Variants in SBNO1 observed in about 807,000 individuals in gnomAD.
SBNO1 encodes the protein protein strawberry notch homolog 1.
SBNO1 carries 23 observed loss-of-function variants against 173.6 expected under a neutral mutation model. The ratio of observed to expected loss-of-function variants is 0.13; its 90% CI spans 0.10 to 0.19. The LOEUF (loss-of-function observed/expected upper bound fraction) is 0.19. Ranked by LOEUF, SBNO1 falls within the 10% of genes least tolerant of loss-of-function variation. The probability of loss-of-function intolerance (pLI) is 1.00; values close to 1 mark genes in which losing one functional copy is unlikely to be tolerated. For synonymous variants in SBNO1, 632 were observed against 571.5 expected (o/e 1.11, Z -1.51); for missense variants, 1,238 against 1,671.2 (o/e 0.74, Z 4.52).
chr12:123,311,019 AAC>A (rs1223728464), intron 25 of SBNO1, 34 bp downstream of exon 25: 1 of 1,392,666 alleles, frequency 7.2e-7, no homozygotes, highest in Admixed American at 1.7e-5. Context: ...ATACTATAGC[AAC>A]AGTTATATGC....
chr12:123,347,795 A>G (rs1179385203), intron 3 of SBNO1, among the ~76,000 whole-genome samples: 2 of 152,118 alleles, frequency 1.3e-5, no homozygotes, highest in African/African-American at 4.8e-5. Context: ...TTGGCCTCCC[A>G]AAGTGCCAGG....
chr12:123,326,623 G>C (rs1257945012), intron 13 of SBNO1, among the ~76,000 whole-genome samples: 1 of 152,136 alleles, frequency 6.6e-6, no homozygotes, highest in Non-Finnish European at 1.5e-5. Flanking sequence ...TGGACAATCT[G>C]AAATATAAGA....
At chr12:123,323,520 A>G (rs990175137) in intron 16 of SBNO1, among the ~76,000 whole-genome samples, 160 bp downstream of exon 16, 6 of 151,760 alleles carry the variant, frequency 4.0e-5, no homozygotes, top group African/African-American at 1.5e-4. Context: ...ATGCCCGGCT[A>G]ATTTTTTGTA....
intron 30 of SBNO1, among the ~76,000 whole-genome samples, chr12:123,301,923 A>G (rs1175009148): frequency 6.6e-6 from 1 of 151,358 alleles, no homozygotes; most frequent in Non-Finnish European, 1.5e-5. Flanking sequence ...AGAGTGACAG[A>G]AGGAGGGCGA....
chr12:123,309,287 AG>A, intron 28 of SBNO1, 22 bp downstream of exon 28: 1 of 1,559,266 alleles, frequency 6.4e-7, no homozygotes, highest in Non-Finnish European at 8.8e-7. Flanking sequence ...ATATCTGAAT[AG>A]AATTTAAAGG....
rs769079019 is a variant in SBNO1 at position 123,295,819 on chromosome 12, T to C, written c.*89A>G. 6.6e-7 allele frequency: 1 copy of C among 1,521,704 alleles called. No homozygotes were observed. The highest frequency in any genetic ancestry group is 8.9e-7 in the Non-Finnish European group (1 of 1,128,162). 94.3% of individuals were successfully genotyped at this position (1,521,704 alleles called of 1,614,324 possible). A position where few individuals can be genotyped will look rare whatever the true frequency, so the allele number is the denominator to read the frequency against. ...AGAGAGCACAACTGAAAAAAATATA[T>C]AATTCTTTGGAAACTGTCCCTGATT... is the stretch of plus-strand genomic sequence containing the variant. On this transcript the variant is annotated 3_prime_UTR_variant, in exon 32 of 32. Transcript: ENST00000602398.
chr12:123,317,889 G>C (rs1038564095), intron 20 of SBNO1, among the ~76,000 whole-genome samples: 3 of 152,136 alleles, frequency 2.0e-5, no homozygotes, highest in Non-Finnish European at 4.4e-5. Context: ...TATGGGCCTA[G>C]ATTCATGAAG....
chr12:123,314,988 C>G lies in SBNO1; in HGVS notation c.3120+385G>C, dbSNP rs11831415. On this transcript the variant is annotated intron_variant, in intron 23 of 31. Transcript: ENST00000602398. The stretch of plus-strand genomic sequence containing the variant: ...GAACTCCTGACCTCAAGTGATCCAC[C>G]TGCCTTGGCCTCCCAAAGTGCTGGG... 1.1e-4 allele frequency among the ~76,000 whole-genome samples: 17 copies of G among 151,986 alleles called. No homozygotes were observed. In the East Asian group the frequency reaches 2.1e-3, roughly 19 times the overall value.
intron 20 of SBNO1, among the ~76,000 whole-genome samples, chr12:123,318,625 C>T (rs1016457372): frequency 1.3e-5 from 2 of 151,146 alleles, no homozygotes; most frequent in East Asian, 2.0e-4. Context: ...CCCAGCTACT[C>T]GGGAGGCTGA....
At chr12:123,316,503 C>T (rs549095864) in intron 21 of SBNO1, among the ~76,000 whole-genome samples, 3 of 152,114 alleles carry the variant, frequency 2.0e-5, no homozygotes, top group African/African-American at 7.2e-5. Context: ...GGATTACAGG[C>T]GTGAGCCGCT....
At chr12:123,329,301 A>G (rs926514630) in intron 9 of SBNO1, among the ~76,000 whole-genome samples, 7 of 151,384 alleles carry the variant, frequency 4.6e-5, no homozygotes, top group African/African-American at 1.7e-4. Flanking sequence ...GAACTGCTTG[A>G]GCCTGGGAGA....
At position 123,296,000 on chromosome 12, in the gene SBNO1, T is replaced by C. The variant is rs2138857990; in HGVS notation, c.4090A>G (p.Thr1364Ala). Residue 1364 changes from threonine to alanine, a missense_variant, in exon 32 of 32, where the codon ACT (threonine) becomes GCT (alanine). By Grantham distance (58) the Thr-to-Ala change is moderately conservative (BLOSUM62 0). This residue lies in a region of SBNO1 where 351 missense variants were observed against 420.3 expected (regional missense o/e 0.84). Coordinates refer to ENST00000602398, the MANE Select transcript of SBNO1 (RefSeq NM_001167856.3). ...GCAAGCTGTTGAGACTGGTCTGAAGTTGATAGGAGATTTACAAGAGGAGAC... is the reference window on the plus strand; with the variant it reads ...GCAAGCTGTTGAGACTGGTCTGAAGCTGATAGGAGATTTACAAGAGGAGAC... Reference protein sequence around the residue: ...CVSPLVNLLSTSDQSQQLAVQ... With the variant: ...CVSPLVNLLSASDQSQQLAVQ... The C allele has an allele frequency of 6.2e-7, 1 of 1,613,986 alleles. No homozygotes were observed. Among genetic ancestry groups the C allele is most frequent in the East Asian group, 2.2e-5 (1 of 44,880 alleles).
rs1874415774 is a variant in SBNO1 at position 123,355,955 on chromosome 12, A to T, written c.1-5514T>A. 1.3e-5 allele frequency among the ~76,000 whole-genome samples: 2 copies of T among 152,184 alleles called. 1 individual carries two copies. The highest frequency in any genetic ancestry group is 4.8e-5 in the African/African-American group (2 of 41,446). On this transcript the variant is annotated intron_variant, in intron 1 of 31. Coordinates refer to ENST00000602398, the MANE Select transcript of SBNO1 (RefSeq NM_001167856.3). ...AAACAATAGCCAACCAGAAGAATGGAAGGATATAGTTCCCATTCAGAATAC... is the reference window on the plus strand; with the variant it reads ...AAACAATAGCCAACCAGAAGAATGGTAGGATATAGTTCCCATTCAGAATAC...
At chr12:123,339,746 C>G (rs1872307543) in intron 5 of SBNO1, among the ~76,000 whole-genome samples, 1 of 152,080 alleles carries the variant, frequency 6.6e-6, no homozygotes, top group East Asian at 1.9e-4. Flanking sequence ...AAGATTGCAC[C>G]ACTACACTCC....
rs1331007569 is a variant in SBNO1, at chr12:123,295,321, T to C, written c.*587A>G. 1 of 152,216 alleles carries C rather than the reference T, an allele frequency of 6.6e-6. No homozygotes were observed. Among genetic ancestry groups the C allele is most frequent in the Non-Finnish European group, 1.5e-5 (1 of 68,052 alleles). 9.4% of individuals were successfully genotyped at this position (152,216 alleles called of 1,614,324 possible). A position where few individuals can be genotyped will look rare whatever the true frequency, so the allele number is the denominator to read the frequency against. On this transcript the variant is annotated 3_prime_UTR_variant, in exon 32 of 32. Coordinates refer to ENST00000602398, the MANE Select transcript of SBNO1 (RefSeq NM_001167856.3). Reference sequence around the variant, plus strand: ...TGTTACTCGACTCCTGTGTTAATCTTGTTTCAGCATGCTTCCAAAGACATG... The same window carrying C: ...TGTTACTCGACTCCTGTGTTAATCTCGTTTCAGCATGCTTCCAAAGACATG...
At chr12:123,336,235 A>G (rs1008277701) in intron 6 of SBNO1, among the ~76,000 whole-genome samples, 160 bp downstream of exon 6, 1 of 152,144 alleles carries the variant, frequency 6.6e-6, no homozygotes, top group African/African-American at 2.4e-5. Context: ...ACTCCTATGA[A>G]CAAAATTAAA....
intron 2 of SBNO1, among the ~76,000 whole-genome samples, chr12:123,349,361 C>T (rs12827377): frequency 6.6e-6 from 1 of 152,110 alleles, no homozygotes; most frequent in Non-Finnish European, 1.5e-5. Context: ...CTCAGCCTCC[C>T]TAAGTGCTGG....
At chr12:123,312,664 T>A (rs79872003) in intron 24 of SBNO1, among the ~76,000 whole-genome samples, 7,158 of 148,674 alleles carry the variant, frequency 0.048, 301 homozygotes, top group East Asian at 0.26. Context: ...TGAGCCAAGA[T>A]CACACCATTG....
chr12:123,297,399 C>CAAAAAAAAAAAAAAA (rs2048640328), intron 31 of SBNO1, among the ~76,000 whole-genome samples: 1 of 15,104 alleles, frequency 6.6e-5, no homozygotes, highest in Non-Finnish European at 2.3e-4. Flanking sequence ...ATACTGGTGT[C>CAAAAAAAAAAAAAAA]CAAAAAAAAA....
Sources: allele counts gnomAD v4.1 joint callset (sites outside exome capture counted in the v4.1 genomes callset), GRCh38; gene constraint gnomAD v4.1.1; regional missense constraint gnomAD v4.1.1; transcripts MANE v1.5; gene names NCBI Gene and HGNC (gene_info 2026-07-23, HGNC 2026-07-21).